EXOC4: variants seen among roughly 807,000 people sequenced by gnomAD.
EXOC4 encodes the protein SEC8-like 1.
Under a neutral mutation model 107.2 loss-of-function variants are expected in EXOC4, and 71 were observed. The ratio of observed to expected loss-of-function variants is 0.66; its 90% confidence interval spans 0.55 to 0.81. The LOEUF is 0.81. Among genes scored for constraint, EXOC4 ranks in the 30% least tolerant of loss-of-function variants. EXOC4 has a pLI of 0.00. For missense variants in EXOC4, 1,108 were observed against 1,189.6 expected (o/e 0.93, Z 1.01); for synonymous variants, 456 against 441.2 (o/e 1.03, Z -0.42).
rs555512901 is a variant in EXOC4 at position 133,311,745 on chromosome 7, C to T, written c.657-5539C>T. ...GAGGAAATATATGTATGTCATATAA[C>T]GCTTTAATATCTAAAGCATGCAGAT... On this transcript the variant is annotated intron_variant, in intron 4 of 17. Transcript: ENST00000253861. Among the ~76,000 whole-genome samples the T allele has an allele frequency of 2.1e-4, 32 of 152,222 alleles. No homozygotes were observed. The South Asian group carries it at 3.5e-3, about 17-fold the overall frequency.
intron 4 of EXOC4, among the ~76,000 whole-genome samples, chr7:133,312,413 A>G (rs1276146049): frequency 6.6e-6 from 1 of 152,208 alleles, no homozygotes; most frequent in Non-Finnish European, 1.5e-5. Context: ...CAAAACACTG[A>G]TAAAAGGAAT....
intron 10 of EXOC4, among the ~76,000 whole-genome samples, chr7:133,797,504 TCA>T (rs1472286821): frequency 6.6e-6 from 1 of 152,152 alleles, no homozygotes; most frequent in African/African-American, 2.4e-5. Context: ...TTTTTTAAAT[TCA>T]CAGATTCTAG....
At chr7:133,424,653 GAT>G (rs1797684243) in intron 7 of EXOC4, among the ~76,000 whole-genome samples, 1 of 152,170 alleles carries the variant, frequency 6.6e-6, no homozygotes, top group South Asian at 2.1e-4. Context: ...CTCATAAAAA[GAT>G]ATGCCGGGAA....
Position 133,475,471 on chromosome 7 carries a change from CAAGT to C in EXOC4, c.1328+4_1328+7del, listed in dbSNP as rs1563079826. ...CTCAAAGGCCAAAAAATTCTCTTTT[CAAGT>C]AAGTATTATTCTGCTGTTAATAGGT... On this transcript the variant is annotated splice_donor_variant and coding_sequence_variant, in exon 8 of 18. Coordinates refer to ENST00000253861, the MANE Select transcript of EXOC4 (RefSeq NM_021807.4). LOFTEE classifies it high-confidence loss of function. 6 of 1,613,730 alleles carry C rather than the reference CAAGT, an allele frequency of 3.7e-6. No individual in the cohort carries two copies. The highest frequency in any genetic ancestry group is 2.2e-5 in the South Asian group (2 of 91,038).
At chr7:133,398,532 G>A (rs1217755890) in intron 7 of EXOC4, among the ~76,000 whole-genome samples, 1 of 152,038 alleles carries the variant, frequency 6.6e-6, no homozygotes, top group Non-Finnish European at 1.5e-5. Flanking sequence ...GCTTTATTCA[G>A]TTGTATTGAA....
chr7:133,971,066 G>A (rs145293745), intron 14 of EXOC4, among the ~76,000 whole-genome samples: 2 of 151,836 alleles, frequency 1.3e-5, no homozygotes, highest in South Asian at 4.2e-4. Flanking sequence ...AGATATAGAG[G>A]TTATAAACTC....
intron 10 of EXOC4, among the ~76,000 whole-genome samples, chr7:133,673,582 G>C (rs554035573): frequency 6.6e-6 from 1 of 152,132 alleles, no homozygotes; most frequent in Non-Finnish European, 1.5e-5. Flanking sequence ...TCTCCTGCAT[G>C]TCCCAACCTC....
intron 7 of EXOC4, among the ~76,000 whole-genome samples, chr7:133,465,842 A>G (rs1798714643): frequency 6.6e-6 from 1 of 152,196 alleles, no homozygotes. Flanking sequence ...AGCTAGAAAA[A>G]GGAGAAAACT....
chr7:133,706,669 C>T (rs916919160), intron 10 of EXOC4, among the ~76,000 whole-genome samples: 1 of 152,138 alleles, frequency 6.6e-6, no homozygotes, highest in Non-Finnish European at 1.5e-5. Flanking sequence ...ATTTTACATT[C>T]TTTTTTTCAT....
chr7:133,317,207 G>T, intron 4 of EXOC4, 77 bp from the exon 5 acceptor site: 1 of 945,192 alleles, frequency 1.1e-6, no homozygotes. Context: ...AACAAAAGTG[G>T]TAAGGGTGGG....
intron 8 of EXOC4, among the ~76,000 whole-genome samples, chr7:133,476,657 T>C (rs1490471715): frequency 6.6e-6 from 1 of 152,222 alleles, no homozygotes; most frequent in African/African-American, 2.4e-5. Context: ...ATCTATTCTG[T>C]TTATTGAATG....
chr7:133,340,247 T>C (rs1211286354), intron 5 of EXOC4, among the ~76,000 whole-genome samples: 3 of 152,208 alleles, frequency 2.0e-5, no homozygotes, highest in Non-Finnish European at 4.4e-5. Context: ...CCAATGTTTT[T>C]TCTGCATCTA....
chr7:133,765,568 A>G (rs934517881), intron 10 of EXOC4, among the ~76,000 whole-genome samples: 7 of 152,030 alleles, frequency 4.6e-5, no homozygotes, highest in Non-Finnish European at 7.4e-5. Context: ...TAGGATAAAA[A>G]TAAAAAGGGA....
At chr7:134,003,021 T>C (rs1358653747) in intron 15 of EXOC4, among the ~76,000 whole-genome samples, 1 of 152,188 alleles carries the variant, frequency 6.6e-6, no homozygotes, top group Non-Finnish European at 1.5e-5. Context: ...CACAAAAATG[T>C]GTACATGAAG....
At chr7:133,357,603 C>T (rs954656374) in intron 6 of EXOC4, among the ~76,000 whole-genome samples, 3 of 151,972 alleles carry the variant, frequency 2.0e-5, no homozygotes, top group South Asian at 4.1e-4. Flanking sequence ...CTTGTAGATA[C>T]GTTGTTAAGG....
intron 7 of EXOC4, among the ~76,000 whole-genome samples, chr7:133,437,094 T>C (rs1350739635): frequency 6.6e-6 from 1 of 152,200 alleles, no homozygotes; most frequent in East Asian, 1.9e-4. Flanking sequence ...TTGATTTCTT[T>C]TTAAATTTTG....
At chr7:133,476,543 A>G (rs935108711) in intron 8 of EXOC4, among the ~76,000 whole-genome samples, 3 of 152,140 alleles carry the variant, frequency 2.0e-5, no homozygotes, top group Non-Finnish European at 2.9e-5. Context: ...GCTTGTTTTT[A>G]TCTTAGATTT....
At chr7:134,073,664 CT>C in the EXOC4 span, among the ~76,000 whole-genome samples, 28,180 of 148,084 alleles carry the variant, frequency 0.19, 3,890 homozygotes, top group African/African-American at 0.4. Flanking sequence ...ATGTCACATT[CT>C]TTTTTTTTTT....
chr7:133,262,965 G>A (rs573446154), intron 1 of EXOC4, among the ~76,000 whole-genome samples: 1 of 152,260 alleles, frequency 6.6e-6, no homozygotes, highest in Non-Finnish European at 1.5e-5. Context: ...TTCCTGTGCT[G>A]TTCTCATGAT....
Sources: gnomAD v4.1 joint callset for allele counts (sites outside exome capture counted in the v4.1 genomes callset) on GRCh38, gnomAD v4.1.1 for gene constraint, MANE v1.5 for transcripts, NCBI Gene and HGNC (gene_info 2026-07-23, HGNC 2026-07-21) for gene names.